The following PTPRG variants were observed in gnomAD, a reference collection of about 807,000 sequenced individuals.
PTPRG encodes the protein protein tyrosine phosphatase receptor type G.
A neutral mutation model predicts 165.3 loss-of-function variants in PTPRG; 102 were observed. That is an observed-to-expected ratio of 0.62 (90% confidence interval 0.53 to 0.73). The LOEUF is 0.73. Among genes scored for constraint, PTPRG ranks in the 30% least tolerant of loss-of-function variants. The probability of loss-of-function intolerance (pLI) is 0.00; values close to 1 mark genes in which losing one functional copy is unlikely to be tolerated. For missense variants in PTPRG, 1,866 were observed against 1,861.4 expected (o/e 1.00, Z -0.05); for synonymous variants, 675 against 669.5 (o/e 1.01, Z -0.13).
intron 2 of PTPRG, among the ~76,000 whole-genome samples, chr3:61,845,354 C>T (rs544833538): frequency 6.6e-6 from 1 of 152,170 alleles, no homozygotes; most frequent in Non-Finnish European, 1.5e-5. Context: ...AATAACTTAA[C>T]AGTGAGGACA....
At chr3:61,973,249 C>A (rs2040424116) in intron 2 of PTPRG, among the ~76,000 whole-genome samples, 1 of 152,146 alleles carries the variant, frequency 6.6e-6, no homozygotes, top group Non-Finnish European at 1.5e-5. Flanking sequence ...TTCTAAATTG[C>A]TAATTAGAGC....
At chr3:62,181,970 C>G (rs1705668789) in intron 8 of PTPRG, among the ~76,000 whole-genome samples, 1 of 152,094 alleles carries the variant, frequency 6.6e-6, no homozygotes, top group Non-Finnish European at 1.5e-5. Context: ...TTAAGCCTTA[C>G]CAGTAACATA....
Position 62,255,875 on chromosome 3 carries a change from A to G in PTPRG, c.2559+660A>G, listed in dbSNP as rs1375535009. On this transcript the variant is annotated intron_variant, in intron 16 of 29. Transcript: ENST00000474889. This position sits in a 1 kb window ranked among gnomAD's most constrained non-coding sequence, Gnocchi z 4.0. ...CTTCTGATTTTAAGAACTGGTGTGT[A>G]GGAAACAAGGTAGAGAGAGGCATGT... Among the ~76,000 whole-genome samples the G allele has an allele frequency of 6.6e-6, 1 of 152,192 alleles. No homozygotes were observed. The highest frequency in any genetic ancestry group is 1.5e-5 in the Non-Finnish European group (1 of 68,028).
At chr3:62,202,589 C>T (rs897843515) in intron 11 of PTPRG, among the ~76,000 whole-genome samples, 3 of 152,194 alleles carry the variant, frequency 2.0e-5, no homozygotes, top group African/African-American at 4.8e-5. Flanking sequence ...AGATGTAAAC[C>T]AGTGCCCAGA....
chr3:61,742,992 C>G lies in PTPRG; in HGVS notation c.86-5886C>G, dbSNP rs898619360. The G allele has an allele frequency of 3.9e-6, 6 of 1,537,858 alleles. No homozygotes were observed. The African/African-American group carries it at 4.1e-5, about 10-fold the overall frequency. On this transcript the variant is annotated intron_variant, in intron 1 of 29. Coordinates refer to ENST00000474889, the MANE Select transcript of PTPRG (RefSeq NM_002841.4). ...ACTTGTCCTTCTGGGGGTCATAGTT[C>G]TTCAAGCTGATCTGCAACTCCACCG...
chr3:62,138,512 A>G (rs1014715401), intron 6 of PTPRG, among the ~76,000 whole-genome samples: 13 of 152,266 alleles, frequency 8.5e-5, no homozygotes, highest in Admixed American at 2.6e-4. Flanking sequence ...TTAGGTCAGG[A>G]GTTGGAGACC....
chr3:61,738,339 T>TGTATATATATATATGC (rs2032840170), intron 1 of PTPRG, among the ~76,000 whole-genome samples: 2 of 131,844 alleles, frequency 1.5e-5, no homozygotes, highest in Non-Finnish European at 3.3e-5. Flanking sequence ...TATATATATG[T>TGTATATATATATATGC]ATATATATAT....
At chr3:61,944,918 GGT>G (rs2039719300) in intron 2 of PTPRG, among the ~76,000 whole-genome samples, 1 of 152,182 alleles carries the variant, frequency 6.6e-6, no homozygotes, top group African/African-American at 2.4e-5. Context: ...TGGCATTAGA[GGT>G]GTTTCGTAAG....
At chr3:62,279,790 GCAACAATGTAAGATT>G (rs1702364215) in intron 26 of PTPRG, among the ~76,000 whole-genome samples, 2 of 152,052 alleles carry the variant, frequency 1.3e-5, no homozygotes, top group African/African-American at 4.8e-5. Flanking sequence ...CATTTCTAAT[GCAACAATGTAAGATT>G]AAACAAAGCC....
chr3:62,259,027 C>A (rs1362865043), intron 16 of PTPRG, among the ~76,000 whole-genome samples: 1 of 152,112 alleles, frequency 6.6e-6, no homozygotes, highest in Non-Finnish European at 1.5e-5. Flanking sequence ...AGGATGAGGC[C>A]AGAAGTCCAC....
chr3:61,869,177 A>G (rs1460366073), intron 2 of PTPRG, among the ~76,000 whole-genome samples: 2 of 152,222 alleles, frequency 1.3e-5, no homozygotes, highest in Non-Finnish European at 2.9e-5. Flanking sequence ...GGATTCAAAT[A>G]GGGAGCAGCA....
At chr3:62,124,474 C>G (rs1703209313) in intron 5 of PTPRG, 1 of 1,612,268 alleles carries the variant, frequency 6.2e-7, no homozygotes, top group Non-Finnish European at 8.5e-7. Context: ...GCTCCTTGAG[C>G]TTGGAGTAGC....
intron 5 of PTPRG, among the ~76,000 whole-genome samples, chr3:62,114,824 A>G (rs866842589): frequency 4.6e-5 from 7 of 152,056 alleles, no homozygotes; most frequent in African/African-American, 1.4e-4. Context: ...AGTTTTTTGT[A>G]GAGACAGGGT....
intron 2 of PTPRG, among the ~76,000 whole-genome samples, chr3:61,910,562 C>G (rs1575775886): frequency 6.6e-6 from 1 of 152,156 alleles, no homozygotes; most frequent in Non-Finnish European, 1.5e-5. Context: ...CTGTTCCTTT[C>G]CTTTCTATGC....
chr3:62,140,976 T>C (rs113229392), intron 6 of PTPRG, among the ~76,000 whole-genome samples: 11,646 of 151,966 alleles, frequency 0.077, 612 homozygotes, highest in Non-Finnish European at 0.11. Context: ...ATTGCCCAGG[T>C]ATAATATAAA....
At chr3:62,102,295 G>C (rs1036200715) in intron 5 of PTPRG, among the ~76,000 whole-genome samples, 2 of 151,666 alleles carry the variant, frequency 1.3e-5, no homozygotes, top group Non-Finnish European at 2.9e-5. Context: ...TTCTTTTCTT[G>C]ATGGAGTCTC....
At chr3:62,084,547 C>T (rs1379135673) in intron 5 of PTPRG, among the ~76,000 whole-genome samples, 1 of 152,152 alleles carries the variant, frequency 6.6e-6, no homozygotes, top group African/African-American at 2.4e-5. Context: ...GTCGGTGTTA[C>T]AGACTGCTTA....
intron 1 of PTPRG, among the ~76,000 whole-genome samples, chr3:61,698,623 TTA>T: frequency 1.3e-5 from 2 of 152,298 alleles, no homozygotes; most frequent in Middle Eastern, 6.8e-3. Flanking sequence ...CAGATCTCCT[TTA>T]TACTCTTAAG....
intron 2 of PTPRG, among the ~76,000 whole-genome samples, chr3:61,786,083 T>C (rs535978479): frequency 1.3e-5 from 2 of 152,292 alleles, no homozygotes; most frequent in South Asian, 2.1e-4. Context: ...GTTTCCCAAG[T>C]TATACGTGCC....
Sources: gnomAD v4.1 joint callset for allele counts (sites outside exome capture counted in the v4.1 genomes callset) on GRCh38, gnomAD v4.1.1 for gene constraint, Gnocchi (gnomAD v3.1) non-coding constraint, MANE v1.5 for transcripts, NCBI Gene and HGNC (gene_info 2026-07-23, HGNC 2026-07-21) for gene names.